The following UACA variants were observed in gnomAD, a reference collection of about 807,000 sequenced individuals.
The protein encoded by UACA is uveal autoantigen with coiled-coil domains and ankyrin repeats, also known as nuclear membrane binding protein.
In UACA, 112 loss-of-function variants were observed where a neutral mutation model predicts 160.5. The observed-to-expected ratio is 0.70, with a 90% CI of 0.60 to 0.82. The LOEUF (loss-of-function observed/expected upper bound fraction) is 0.82, where lower values mean the gene tolerates loss of function less well. Ranked by LOEUF, UACA falls within the 40% of genes least tolerant of loss-of-function variation. The pLI is 0.00. For synonymous variants in UACA, 557 were observed against 568.4 expected, an observed-to-expected ratio of 0.98 and a Z score of 0.29; for missense variants, 1,574 against 1,614.6, an observed-to-expected ratio of 0.97 and a Z score of 0.43.
At chr15:70,729,607 CTCAGCT>C (rs1899255184) in intron 1 of UACA, among the ~76,000 whole-genome samples, 1 of 123,288 alleles carries the variant, frequency 8.1e-6, no homozygotes, top group Non-Finnish European at 1.6e-5. Flanking sequence ...TGTAACTTGA[CTCAGCT>C]TCAGAGAGTG....
At chr15:70,776,425 C>CTTTTTTTT in the UACA span, among the ~76,000 whole-genome samples, 1 of 125,318 alleles carries the variant, frequency 8.0e-6, no homozygotes, top group Non-Finnish European at 1.7e-5. Context: ...CCTCAAATGT[C>CTTTTTTTT]TTTTTTTTTT....
At chr15:70,776,258 G>T in the UACA span, among the ~76,000 whole-genome samples, 9 of 152,216 alleles carry the variant, frequency 5.9e-5, no homozygotes, top group East Asian at 1.7e-3. Flanking sequence ...TTACGACAGA[G>T]AAAATTAATT....
At chr15:70,696,630 C>A (rs555438043) in intron 2 of UACA, among the ~76,000 whole-genome samples, 16 of 152,274 alleles carry the variant, frequency 1.1e-4, no homozygotes, top group Admixed American at 3.3e-4. Flanking sequence ...TCTTAAGAGT[C>A]AGGTAAGTTC....
intron 18 of UACA, among the ~76,000 whole-genome samples, chr15:70,659,398 T>G (rs1482154967): frequency 9.6e-5 from 11 of 114,884 alleles, no homozygotes; most frequent in African/African-American, 4.0e-4. Flanking sequence ...TTTGTTTGTT[T>G]TTTTTTTTTT....
chr15:70,772,851 G>A, the UACA span, among the ~76,000 whole-genome samples: 3 of 152,108 alleles, frequency 2.0e-5, no homozygotes, highest in African/African-American at 4.8e-5. Context: ...CACTTTGGGA[G>A]GCCAAGGTGG....
intron 1 of UACA, among the ~76,000 whole-genome samples, chr15:70,744,669 T>A (rs973858371): frequency 1.3e-5 from 2 of 152,136 alleles, no homozygotes; most frequent in Non-Finnish European, 2.9e-5. Context: ...GCAGGTAGTG[T>A]TAAGACCAAA....
intron 2 of UACA, among the ~76,000 whole-genome samples, chr15:70,696,356 G>C (rs1320162644): frequency 6.6e-6 from 1 of 152,026 alleles, no homozygotes; most frequent in African/African-American, 2.4e-5. Context: ...TTTTTGTCTA[G>C]TTTTGCTTCC....
chr15:70,718,023 C>A (rs556112185), intron 1 of UACA, among the ~76,000 whole-genome samples: 19 of 130,778 alleles, frequency 1.5e-4, no homozygotes, highest in Non-Finnish European at 2.5e-4. Flanking sequence ...AAATAAATTT[C>A]TTTATACACA....
At chr15:70,682,254 A>G (rs1338344861) in intron 9 of UACA, among the ~76,000 whole-genome samples, 1 of 152,248 alleles carries the variant, frequency 6.6e-6, no homozygotes, top group Non-Finnish European at 1.5e-5. Flanking sequence ...TCAATTAAAT[A>G]CACACAGAAA....
Position 70,668,870 on chromosome 15 carries a change from T to G in UACA, c.1814A>C (p.Lys605Thr). Residue 605 changes from lysine to threonine, a missense_variant, in exon 16 of 19, where the codon AAA becomes ACA. Transcript: ENST00000322954. ...LSMCEMEREKKGRKVTEMEGQ... is the reference protein window; with the variant it reads ...LSMCEMEREKTGRKVTEMEGQ... The stretch of plus-strand genomic sequence containing the variant: ...TTCCATCTCTGTGACCTTTCTTCCT[T>G]TCTTCTCTCGCTCCATTTCACACAT... The G allele has an allele frequency of 6.2e-7, 1 of 1,613,758 alleles. No individual in the cohort carries two copies. Among genetic ancestry groups the G allele is most frequent in the East Asian group, 2.2e-5 (1 of 44,886 alleles).
At chr15:70,673,854 TGTTG>T (rs568452545) in intron 13 of UACA, among the ~76,000 whole-genome samples, 4 of 152,002 alleles carry the variant, frequency 2.6e-5, no homozygotes, top group African/African-American at 7.2e-5. Context: ...CTTAGTAGTT[TGTTG>T]GTTGGTTGGT....
At chr15:70,715,025 G>A (rs1406353664) in intron 1 of UACA, among the ~76,000 whole-genome samples, 1 of 152,042 alleles carries the variant, frequency 6.6e-6, no homozygotes, top group Non-Finnish European at 1.5e-5. Context: ...CTTTCAGGCT[G>A]GATAAGATTT....
intron 13 of UACA, among the ~76,000 whole-genome samples, chr15:70,675,703 C>T (rs987618794): frequency 6.6e-6 from 1 of 152,294 alleles, no homozygotes; most frequent in African/African-American, 2.4e-5. Context: ...TCATAATGCA[C>T]ACATAGTTTT....
chr15:70,698,885 G>A (rs542910972), intron 2 of UACA, among the ~76,000 whole-genome samples: 8 of 152,162 alleles, frequency 5.3e-5, no homozygotes, highest in African/African-American at 1.7e-4. Flanking sequence ...GATTTGAGAC[G>A]GGGAAGGGGA....
At chr15:70,719,044 A>C (rs1898910636) in intron 1 of UACA, among the ~76,000 whole-genome samples, 1 of 151,682 alleles carries the variant, frequency 6.6e-6, no homozygotes. Context: ...GAAGGGAGGA[A>C]GGAAGGGTAG....
At position 70,660,250 on chromosome 15, in the gene UACA, T is replaced by A. The variant is rs759028899; in HGVS notation, c.4114-34A>T. On this transcript the variant is annotated intron_variant, in intron 17 of 18. Coordinates refer to ENST00000322954, the MANE Select transcript of UACA (RefSeq NM_018003.4). ...GTGGAAAGATGGACAGATGTGACTA[T>A]CAGCGTTCACATTTCCAAACTTTGG... 2.5e-6 allele frequency: 4 copies of A among 1,583,074 alleles called. No individual in the cohort carries two copies. In the African/African-American group the frequency reaches 5.4e-5, roughly 21 times the overall value.
At chr15:70,719,639 T>C (rs571987940) in intron 1 of UACA, among the ~76,000 whole-genome samples, 29 of 152,168 alleles carry the variant, frequency 1.9e-4, no homozygotes, top group Non-Finnish European at 3.7e-4. Context: ...GGGCCCTCGA[T>C]TTTCTATAGG....
chr15:70,751,558 A>G (rs1254834804), intron 1 of UACA, among the ~76,000 whole-genome samples: 1 of 151,928 alleles, frequency 6.6e-6, no homozygotes, highest in Non-Finnish European at 1.5e-5. Context: ...ACTCTATGAA[A>G]TAAGTATAAC....
chr15:70,662,261 A>G (rs1482618036), intron 17 of UACA, among the ~76,000 whole-genome samples: 1 of 152,214 alleles, frequency 6.6e-6, no homozygotes, highest in Non-Finnish European at 1.5e-5. Flanking sequence ...CCCATTCACG[A>G]TTGCTTCAAA....
Sources: allele counts gnomAD v4.1 joint callset (sites outside exome capture counted in the v4.1 genomes callset), GRCh38; gene constraint gnomAD v4.1.1; transcripts MANE v1.5; gene names NCBI Gene and HGNC (gene_info 2026-07-23, HGNC 2026-07-21).